The following CCDC91 variants were observed in gnomAD, a reference collection of about 807,000 sequenced individuals.
The protein encoded by CCDC91 is coiled-coil domain containing 91, also known as coiled-coil domain-containing protein 91.
CCDC91 carries 48 observed loss-of-function variants against 63.2 expected under a neutral mutation model. That is an observed-to-expected ratio of 0.76 (90% CI 0.60 to 0.97). The LOEUF is 0.97. Among genes scored for constraint, CCDC91 ranks in the 50% least tolerant of loss-of-function variants. The pLI, the probability that CCDC91 is intolerant of heterozygous loss-of-function variation, is 0.00. For synonymous variants in CCDC91, 167 were observed against 165.8 expected, an observed-to-expected ratio of 1.01 and a Z score of -0.06; for missense variants, 500 against 494.6, an observed-to-expected ratio of 1.01 and a Z score of -0.10.
intron 1 of CCDC91, among the ~76,000 whole-genome samples, chr12:28,210,588 C>T (rs562856078): frequency 1.3e-5 from 2 of 152,208 alleles, no homozygotes; most frequent in East Asian, 3.9e-4. Flanking sequence ...CCAAGGAGTC[C>T]CAGGCTGTTA....
intron 3 of CCDC91, chr12:28,302,578 A>G: frequency 1.1e-6 from 1 of 914,580 alleles, no homozygotes; most frequent in South Asian, 5.0e-5. Flanking sequence ...AGACAGTAAT[A>G]TTGTGAGGTC....
intron 1 of CCDC91, among the ~76,000 whole-genome samples, chr12:28,206,765 T>C (rs1942886589): frequency 1.3e-5 from 2 of 152,222 alleles, no homozygotes; most frequent in South Asian, 2.1e-4. Flanking sequence ...TTAAAGTCTG[T>C]TGTGTAACCC....
chr12:28,397,904 C>G (rs1027024704), intron 8 of CCDC91, among the ~76,000 whole-genome samples: 1 of 152,160 alleles, frequency 6.6e-6, no homozygotes, highest in East Asian at 1.9e-4. Flanking sequence ...CAAAAATAAC[C>G]GATAGCAACC....
At chr12:28,410,733 G>C (rs1335599185) in intron 8 of CCDC91, among the ~76,000 whole-genome samples, 1 of 152,026 alleles carries the variant, frequency 6.6e-6, no homozygotes, top group African/African-American at 2.4e-5. Flanking sequence ...TGTTGGCCGG[G>C]CTGGTCTCAA....
chr12:28,291,957 TG>T (rs1949277965), intron 3 of CCDC91, among the ~76,000 whole-genome samples: 1 of 152,212 alleles, frequency 6.6e-6, no homozygotes, highest in South Asian at 2.1e-4. Context: ...TTGTCTCCTT[TG>T]CAAAACTTCT....
intron 12 of CCDC91, among the ~76,000 whole-genome samples, chr12:28,523,009 T>C (rs951413684): frequency 6.6e-6 from 1 of 152,212 alleles, no homozygotes; most frequent in Non-Finnish European, 1.5e-5. Context: ...TGGTCAGTTT[T>C]TGAATAAGTG....
chr12:28,484,442 TAGAC>T (rs566122367), intron 12 of CCDC91, among the ~76,000 whole-genome samples: 137 of 152,284 alleles, frequency 9.0e-4, no homozygotes, highest in Admixed American at 3.3e-3. Context: ...ACAAAGATAA[TAGAC>T]AGTTCTACAT....
intron 8 of CCDC91, among the ~76,000 whole-genome samples, chr12:28,422,314 A>T (rs1948062261): frequency 6.6e-6 from 1 of 152,130 alleles, no homozygotes; most frequent in South Asian, 2.1e-4. Context: ...ACTAATATTT[A>T]TATGGGTTAT....
At chr12:28,343,353 A>G (rs1592369829) in intron 6 of CCDC91, among the ~76,000 whole-genome samples, 1 of 152,178 alleles carries the variant, frequency 6.6e-6, no homozygotes, top group African/African-American at 2.4e-5. Context: ...TATCATATGT[A>G]TATATGGAGG....
chr12:28,351,956 C>T (rs967846497), intron 6 of CCDC91, among the ~76,000 whole-genome samples: 2 of 152,126 alleles, frequency 1.3e-5, no homozygotes, highest in Non-Finnish European at 2.9e-5. Flanking sequence ...CTGGATAACC[C>T]TATACAGGCA....
intron 1 of CCDC91, among the ~76,000 whole-genome samples, chr12:28,237,896 C>T (rs12425200): frequency 0.39 from 59,952 of 152,032 alleles, 12,082 homozygotes; most frequent in Middle Eastern, 0.49. Context: ...GACTTCTCTA[C>T]TCTTTTTACT....
chr12:28,437,189 G>A (rs113544748), intron 8 of CCDC91, among the ~76,000 whole-genome samples: 63 of 151,582 alleles, frequency 4.2e-4, no homozygotes, highest in African/African-American at 1.5e-3. Context: ...ATTTATTCAC[G>A]TGTACATTAT....
At chr12:28,449,416 A>G (rs528715439) in intron 8 of CCDC91, among the ~76,000 whole-genome samples, 2 of 152,128 alleles carry the variant, frequency 1.3e-5, no homozygotes, top group South Asian at 2.1e-4. Flanking sequence ...TTGTTTCCAC[A>G]TCAGTGCACT....
chr12:28,543,665 G>A (rs369961254), intron 12 of CCDC91, among the ~76,000 whole-genome samples: 18 of 151,754 alleles, frequency 1.2e-4, no homozygotes, highest in South Asian at 2.1e-4. Flanking sequence ...TGGAGATGAC[G>A]TCCACGTTTT....
At chr12:28,223,728 A>G (rs1944097771) in intron 1 of CCDC91, among the ~76,000 whole-genome samples, 1 of 152,222 alleles carries the variant, frequency 6.6e-6, no homozygotes, top group African/African-American at 2.4e-5. Flanking sequence ...GTTAACTTAT[A>G]CTATTGTAGC....
intron 12 of CCDC91, among the ~76,000 whole-genome samples, chr12:28,526,324 G>T (rs954965898): frequency 3.9e-5 from 6 of 151,944 alleles, no homozygotes; most frequent in Non-Finnish European, 7.4e-5. Context: ...GCATATGTTT[G>T]TTTGTCTGAA....
intron 8 of CCDC91, among the ~76,000 whole-genome samples, chr12:28,391,808 A>G (rs1276961828): frequency 2.0e-5 from 3 of 152,180 alleles, no homozygotes; most frequent in Non-Finnish European, 4.4e-5. Context: ...ATTGGCTTCT[A>G]TTTGAGTTTT....
intron 1 of CCDC91, among the ~76,000 whole-genome samples, chr12:28,202,792 T>C (rs1190688708): frequency 1.3e-5 from 2 of 152,266 alleles, no homozygotes; most frequent in Non-Finnish European, 2.9e-5. Flanking sequence ...TTGGATCTTA[T>C]CAAAATCCCC....
chr12:28,517,398 G>A (rs1164031325), intron 12 of CCDC91, among the ~76,000 whole-genome samples: 2 of 151,870 alleles, frequency 1.3e-5, no homozygotes, highest in Non-Finnish European at 2.9e-5. Flanking sequence ...CTTGCAACAC[G>A]TTTGAACAGA....
Sources: allele counts gnomAD v4.1 joint callset (sites outside exome capture counted in the v4.1 genomes callset), GRCh38; gene constraint gnomAD v4.1.1; transcripts MANE v1.5; gene names NCBI Gene and HGNC (gene_info 2026-07-23, HGNC 2026-07-21).